The following FHAD1 variants were observed in gnomAD, a reference collection of about 807,000 sequenced individuals.
FHAD1 encodes the protein forkhead-associated domain-containing protein 1.
A neutral mutation model predicts 191.3 loss-of-function variants in FHAD1; 146 were observed. The observed-to-expected ratio is 0.76, with a 90% CI of 0.67 to 0.88. FHAD1 has a LOEUF of 0.88. FHAD1 is among the 40% of genes least tolerant of loss of function. The pLI, the probability that FHAD1 is intolerant of heterozygous loss-of-function variation, is 0.00. For missense variants in FHAD1, 1,635 were observed against 1,785.8 expected, an observed-to-expected ratio of 0.92 and a Z score of 1.52; for synonymous variants, 616 against 672.3, an observed-to-expected ratio of 0.92 and a Z score of 1.29.
intron 32 of FHAD1, among the ~76,000 whole-genome samples, chr1:15,390,953 C>T (rs2103111874): frequency 6.6e-6 from 1 of 152,198 alleles, no homozygotes; most frequent in East Asian, 1.9e-4. Flanking sequence ...TCCACCTCTG[C>T]TGGAATCTAG....
chr1:15,385,124 A>G (rs867588826), intron 31 of FHAD1, among the ~76,000 whole-genome samples: 5 of 130,244 alleles, frequency 3.8e-5, no homozygotes, highest in African/African-American at 1.2e-4. Flanking sequence ...AAAAAGGGGG[A>G]AAATCTTTTT....
chr1:15,341,903 GC>G lies in FHAD1; in HGVS notation c.2130+17del, dbSNP rs916491861. 2 of 1,549,014 alleles carry G rather than the reference GC, an allele frequency of 1.3e-6. No individual in the cohort carries two copies. The highest frequency in any genetic ancestry group is 2.7e-5 in the African/African-American group (2 of 73,020). On this transcript the variant is annotated intron_variant, in intron 16 of 33. Transcript: ENST00000688493. The stretch of plus-strand genomic sequence containing the variant: ...AAGAGAAGGCGGTAAGGTGGTCCCT[GC>G]CATTTGCTTTACTACTGGAAACTGA...
intron 22 of FHAD1, among the ~76,000 whole-genome samples, chr1:15,361,069 A>G (rs771694323): frequency 2.0e-5 from 3 of 152,180 alleles, no homozygotes; most frequent in Non-Finnish European, 4.4e-5. Context: ...GGCCTTTTGC[A>G]TCTTCACTAA....
At chr1:15,280,280 C>T (rs1203492500) in intron 3 of FHAD1, among the ~76,000 whole-genome samples, 5 of 152,152 alleles carry the variant, frequency 3.3e-5, no homozygotes, top group South Asian at 2.1e-4. Context: ...TCTCCCATCC[C>T]GATCGTGTAG....
intron 24 of FHAD1, among the ~76,000 whole-genome samples, chr1:15,366,188 A>G (rs2102755624): frequency 6.8e-6 from 1 of 146,918 alleles, no homozygotes; most frequent in African/African-American, 2.5e-5. Context: ...CAGGAGGCTG[A>G]GGCAGAGGAT....
At chr1:15,296,991 G>A (rs767208529) in intron 5 of FHAD1, among the ~76,000 whole-genome samples, 198 bp downstream of exon 5, 10 of 152,228 alleles carry the variant, frequency 6.6e-5, no homozygotes, top group Non-Finnish European at 1.3e-4. Flanking sequence ...AGCATCTACT[G>A]TGAGCTGGAC....
chr1:15,353,276 G>T (rs1377015129), intron 20 of FHAD1, among the ~76,000 whole-genome samples: 1 of 152,182 alleles, frequency 6.6e-6, no homozygotes, highest in African/African-American at 2.4e-5. Context: ...GCCCATGTTA[G>T]CATGGTGAAC....
intron 1 of FHAD1, among the ~76,000 whole-genome samples, chr1:15,242,101 C>T (rs1412941653): frequency 6.6e-6 from 1 of 151,736 alleles, no homozygotes; most frequent in Admixed American, 6.6e-5. Context: ...GGCATGGTGG[C>T]GTGTGGCTGT....
upstream of FHAD1, among the ~76,000 whole-genome samples, chr1:15,244,047 A>G (rs1169241120): frequency 7.4e-6 from 1 of 134,394 alleles, no homozygotes; most frequent in Non-Finnish European, 1.7e-5. The surrounding 1 kb of genome is among the most constrained non-coding windows in gnomAD (Gnocchi z 5.1). Context: ...ATCTAGAAAC[A>G]TCTATTTTTT....
intron 24 of FHAD1, among the ~76,000 whole-genome samples, chr1:15,366,343 C>T (rs570550217): frequency 8.6e-5 from 13 of 151,260 alleles, no homozygotes; most frequent in Admixed American, 3.9e-4. Flanking sequence ...AATCCTGCTT[C>T]CCTGTGCTGT....
intron 9 of FHAD1, 30 bp from the exon 10 acceptor site, chr1:15,317,794 G>A: frequency 6.7e-7 from 1 of 1,494,766 alleles, no homozygotes. Flanking sequence ...CCCCCATCAG[G>A]GAGGTTCACT....
At position 15,312,980 on chromosome 1, in the gene FHAD1, A is replaced by C; in HGVS notation, c.1040-77A>C. The C allele has an allele frequency of 8.5e-6, 13 of 1,525,732 alleles. No homozygotes were observed. In the South Asian group the frequency reaches 1.6e-4, roughly 19 times the overall value. The allele number at this position is 1,525,732 out of a possible 1,614,324, so 94.5% of individuals were successfully genotyped here. A position where few individuals can be genotyped will look rare whatever the true frequency, so the allele number is the denominator to read the frequency against. On this transcript the variant is annotated intron_variant, in intron 7 of 33. Transcript: ENST00000688493. This position sits in a 1 kb window ranked among gnomAD's most constrained non-coding sequence, Gnocchi z 4.7. ...CTCCCTTCTCAGTGCCAGGCTCGTC[A>C]CAAACTGGTTGACAGCGGCAGCGAT...
chr1:15,358,778 C>T (rs1281643461), intron 21 of FHAD1, among the ~76,000 whole-genome samples: 1 of 152,132 alleles, frequency 6.6e-6, no homozygotes, highest in Non-Finnish European at 1.5e-5. Flanking sequence ...TGTGCATTCC[C>T]TCTGTCATCC....
At chr1:15,388,926 C>T (rs1703062757) in intron 32 of FHAD1, among the ~76,000 whole-genome samples, 1 of 152,186 alleles carries the variant, frequency 6.6e-6, no homozygotes, top group Admixed American at 6.5e-5. Flanking sequence ...GTCATCACAT[C>T]CCACTGAATC....
rs142931140 is a variant in FHAD1, at chr1:15,381,168, T to C, written c.3802-63T>C. The C allele has an allele frequency of 9.2e-7, 1 of 1,090,730 alleles. No homozygotes were observed. Among genetic ancestry groups the C allele is most frequent in the African/African-American group, 1.6e-5 (1 of 63,188 alleles). The allele number at this position is 1,090,730 out of a possible 1,614,324, so 67.6% of individuals were successfully genotyped here. A position where few individuals can be genotyped will look rare whatever the true frequency, so the allele number is the denominator to read the frequency against. ...AATGAAACAGAATTAGACATTGGCC[T>C]CCTTAAAGCGGCCACCAGCGGCCGC... On this transcript the variant is annotated intron_variant, in intron 29 of 33. Transcript: ENST00000688493. The surrounding 1 kb of genome is among the most constrained non-coding windows in gnomAD (Gnocchi z 4.6).
chr1:15,237,341 G>GC (rs764886206), intron 1 of FHAD1, among the ~76,000 whole-genome samples: 7 of 152,280 alleles, frequency 4.6e-5, no homozygotes, highest in Non-Finnish European at 7.4e-5. Flanking sequence ...CGGTTGCGTA[G>GC]CCTCCCTCAT....
rs375837013 is a variant in FHAD1 at position 15,323,528 on chromosome 1, T to C, written c.1366-924T>C. ...AAAGCTTTACAGGTTGCTCTGGGTGTTTTACATGAAATCTGTGTGACCCCT... is the reference window on the plus strand; with the variant it reads ...AAAGCTTTACAGGTTGCTCTGGGTGCTTTACATGAAATCTGTGTGACCCCT... On this transcript the variant is annotated intron_variant, in intron 10 of 33. Transcript: ENST00000688493. Among the ~76,000 whole-genome samples, 46 of 152,204 alleles carry C rather than the reference T, an allele frequency of 3.0e-4. No individual in the cohort carries two copies. The South Asian group carries it at 9.5e-3, about 32-fold the overall frequency.
At position 15,316,496 on chromosome 1, in the gene FHAD1, C is replaced by A. The variant is rs1386357063; in HGVS notation, c.1260+29C>A. ...AGTTGAGCTTCCTCCTTTGTAGGTACCACCAGAAAAAACAGAGTTTGACCT... is the reference window on the plus strand; with the variant it reads ...AGTTGAGCTTCCTCCTTTGTAGGTAACACCAGAAAAAACAGAGTTTGACCT... On this transcript the variant is annotated intron_variant, in intron 9 of 33. Transcript: ENST00000688493. This position sits in a 1 kb window ranked among gnomAD's most constrained non-coding sequence, Gnocchi z 4.3. 1.9e-6 allele frequency: 3 copies of A among 1,540,122 alleles called. No homozygotes were observed. In the African/African-American group the frequency reaches 4.1e-5, roughly 21 times the overall value.
intron 18 of FHAD1, among the ~76,000 whole-genome samples, chr1:15,346,074 C>G (rs1041261400): frequency 7.9e-5 from 12 of 152,166 alleles, no homozygotes; most frequent in Non-Finnish European, 1.8e-4. Flanking sequence ...TCTACTTCCT[C>G]TTCCACATGA....
Sources: allele counts gnomAD v4.1 joint callset (sites outside exome capture counted in the v4.1 genomes callset), GRCh38; gene constraint gnomAD v4.1.1; non-coding constraint Gnocchi (gnomAD v3.1); transcripts MANE v1.5; gene names NCBI Gene and HGNC (gene_info 2026-07-23, HGNC 2026-07-21).